Variants in TDRD10 observed in about 807,000 individuals in gnomAD.
TDRD10 encodes the protein tudor domain containing 10.
Under a neutral mutation model 48.0 loss-of-function variants are expected in TDRD10, and 40 were observed. That is an observed-to-expected ratio of 0.83 (90% CI 0.65 to 1.09). TDRD10 has a LOEUF of 1.09. Among genes scored for constraint, TDRD10 ranks in the 50% least tolerant of loss-of-function variants. The pLI, the probability that TDRD10 is intolerant of heterozygous loss-of-function variation, is 0.00. For missense variants in TDRD10, 378 were observed against 434.7 expected, an observed-to-expected ratio of 0.87 and a Z score of 1.16; for synonymous variants, 162 against 170.4, an observed-to-expected ratio of 0.95 and a Z score of 0.38.
chr1:154,525,487 C>T (rs1383205036), intron 6 of TDRD10, among the ~76,000 whole-genome samples: 1 of 152,040 alleles, frequency 6.6e-6, no homozygotes, highest in African/African-American at 2.4e-5. Context: ...ATAGTGAAGG[C>T]AATATTTAGA....
chr1:154,543,706 C>G (rs995589691), intron 8 of TDRD10, among the ~76,000 whole-genome samples: 13 of 152,122 alleles, frequency 8.5e-5, no homozygotes, highest in Non-Finnish European at 2.9e-5. Context: ...GTTTTTGTTT[C>G]CCTCTGCTGC....
intron 6 of TDRD10, among the ~76,000 whole-genome samples, chr1:154,540,530 A>AAAAC (rs1695167940): frequency 7.2e-6 from 1 of 139,644 alleles, no homozygotes; most frequent in Non-Finnish European, 1.6e-5. Context: ...AAAAAAAAAA[A>AAAAC]TGCCGTTCAC....
chr1:154,523,670 T>C (rs911500021), intron 6 of TDRD10, among the ~76,000 whole-genome samples: 1 of 152,236 alleles, frequency 6.6e-6, no homozygotes, highest in East Asian at 1.9e-4. Flanking sequence ...CTATAGTCAA[T>C]AACTACCTTA....
chr1:154,537,778 G>A (rs1168981025), intron 6 of TDRD10, among the ~76,000 whole-genome samples: 16 of 152,124 alleles, frequency 1.1e-4, no homozygotes, highest in Non-Finnish European at 1.5e-5. Flanking sequence ...CCCACTGCAC[G>A]GACTCCCCAG....
intron 6 of TDRD10, among the ~76,000 whole-genome samples, chr1:154,540,507 CA>C (rs57375022): frequency 9.2e-6 from 1 of 109,146 alleles, no homozygotes; most frequent in Admixed American, 9.2e-5. Context: ...CCCATCTCTA[CA>C]AAAAAAAAAA....
intron 11 of TDRD10, among the ~76,000 whole-genome samples, chr1:154,545,801 C>T (rs1271521646): frequency 2.3e-4 from 33 of 144,730 alleles, no homozygotes; most frequent in Admixed American, 2.0e-3. Context: ...GATGGAGTCT[C>T]GTTCTGTCAC....
Position 154,536,533 on chromosome 1 carries a change from G to A in TDRD10, c.370-5491G>A, listed in dbSNP as rs535773104. On this transcript the variant is annotated intron_variant, in intron 6 of 12. Transcript: ENST00000368482. Reference sequence around the variant, plus strand: ...GAAAATCAACTTTGTTGAAGTATTCGATATACTTACTGAAGTATAATTTAC... The same window carrying A: ...GAAAATCAACTTTGTTGAAGTATTCAATATACTTACTGAAGTATAATTTAC... Among the ~76,000 whole-genome samples the A allele has an allele frequency of 4.6e-5, 7 of 152,286 alleles. No individual in the cohort carries two copies. The South Asian group carries it at 1.2e-3, about 27-fold the overall frequency.
intron 6 of TDRD10, among the ~76,000 whole-genome samples, chr1:154,535,369 GA>G (rs112520948): frequency 0.21 from 27,235 of 132,710 alleles, 2,739 homozygotes; most frequent in South Asian, 0.25. Context: ...TCCATCTCAA[GA>G]AAAAAAAAAA....
chr1:154,536,061 A>G (rs1014259703), intron 6 of TDRD10, among the ~76,000 whole-genome samples: 7 of 152,236 alleles, frequency 4.6e-5, no homozygotes, highest in Non-Finnish European at 8.8e-5. Context: ...TGGACTGGGG[A>G]AAAAGCAGCA....
At chr1:154,545,896 A>G (rs1050941670) in intron 11 of TDRD10, among the ~76,000 whole-genome samples, 9 of 137,638 alleles carry the variant, frequency 6.5e-5, no homozygotes, top group Non-Finnish European at 4.6e-5. Flanking sequence ...TCAGCCTCCC[A>G]ATTACAGGCA....
In TDRD10 at chr1:154,507,330, G is replaced by T; in HGVS notation, c.82+10G>T. On this transcript the variant is annotated intron_variant, in intron 3 of 12. Coordinates refer to ENST00000368482, the MANE Select transcript of TDRD10 (RefSeq NM_182499.4). ...GAGCAGAAATCTCCAGGTAAGTTAGGCTGGGGGATTCGCTGGTGCTGGGAC... is the reference window on the plus strand; with the variant it reads ...GAGCAGAAATCTCCAGGTAAGTTAGTCTGGGGGATTCGCTGGTGCTGGGAC... 5.6e-6 allele frequency: 9 copies of T among 1,613,818 alleles called. No individual in the cohort carries two copies. Among genetic ancestry groups the T allele is most frequent in the Non-Finnish European group, 7.6e-6 (9 of 1,179,936 alleles).
chr1:154,526,674 C>G (rs1038291583), intron 6 of TDRD10, among the ~76,000 whole-genome samples: 7 of 152,030 alleles, frequency 4.6e-5, no homozygotes, highest in Admixed American at 1.3e-4. Context: ...AGGCTGATCT[C>G]AAACTCCTGA....
chr1:154,532,933 G>A (rs189481551), intron 6 of TDRD10, among the ~76,000 whole-genome samples: 134 of 152,138 alleles, frequency 8.8e-4, no homozygotes, highest in Non-Finnish European at 1.4e-3. Context: ...CTTCATTACC[G>A]CTGAGGAAAG....
In TDRD10 at chr1:154,515,056, C is replaced by T. The variant is rs576824872; in HGVS notation, c.142-5248C>T. 7.2e-5 allele frequency among the ~76,000 whole-genome samples: 11 copies of T among 151,808 alleles called. No individual in the cohort carries two copies. In the South Asian group the frequency reaches 1.7e-3, roughly 23 times the overall value. On this transcript the variant is annotated intron_variant, in intron 4 of 12. Coordinates refer to ENST00000368482, the MANE Select transcript of TDRD10 (RefSeq NM_182499.4). ...CTAATTTTTGTATTTTTAGTAGAGA[C>T]GGGGCTTCACCATATTGGCCATGCT... is the stretch of plus-strand genomic sequence containing the variant.
rs376684475 is a variant in TDRD10, at chr1:154,514,851, C to CTTATTTAT, written c.142-5434_142-5427dup. On this transcript the variant is annotated intron_variant, in intron 4 of 12. Coordinates refer to ENST00000368482, the MANE Select transcript of TDRD10 (RefSeq NM_182499.4). ...CACAGGAACACATCACCATACCCAGCTTATTTATTTATTTATTTATTTATT... is the reference window on the plus strand; with the variant it reads ...CACAGGAACACATCACCATACCCAGCTTATTTATTTATTTATTTATTTATTTATTTATT... Among the ~76,000 whole-genome samples, 101 of 142,880 alleles carry CTTATTTAT rather than the reference C, an allele frequency of 7.1e-4. 1 individual carries two copies. The highest frequency in any genetic ancestry group is 1.8e-3 in the African/African-American group (68 of 38,606). 93.7% of individuals were successfully genotyped at this position (142,880 alleles called of 152,430 possible).
chr1:154,522,166 A>G (rs1694094557), intron 6 of TDRD10, among the ~76,000 whole-genome samples: 2 of 152,316 alleles, frequency 1.3e-5, no homozygotes, highest in Middle Eastern at 3.4e-3. Flanking sequence ...GTCAGGAGGT[A>G]GGGAGTCCAG....
rs1171223392 is a variant in TDRD10 at position 154,547,714 on chromosome 1, G to A, written c.*4G>A. 3 of 1,613,150 alleles carry A rather than the reference G, an allele frequency of 1.9e-6. No homozygotes were observed. The African/African-American group carries it at 4.0e-5, about 22-fold the overall frequency. ...AAAGTTTGAAGAGTCTAAATAACGG[G>A]GCTTCCCTCAGCATGTTCCCTCTCC... On this transcript the variant is annotated 3_prime_UTR_variant, in exon 13 of 13. Coordinates refer to ENST00000368482, the MANE Select transcript of TDRD10 (RefSeq NM_182499.4).
chr1:154,538,770 A>C (rs1695060253), intron 6 of TDRD10, among the ~76,000 whole-genome samples: 1 of 150,978 alleles, frequency 6.6e-6, no homozygotes, highest in South Asian at 2.1e-4. Flanking sequence ...GGAGAATGGT[A>C]TGAACCTGGG....
chr1:154,527,651 A>G (rs1355060994), intron 6 of TDRD10, among the ~76,000 whole-genome samples: 1 of 152,232 alleles, frequency 6.6e-6, no homozygotes, highest in African/African-American at 2.4e-5. Context: ...AGGTGAAAAA[A>G]AAAGATGGAT....
Sources: gnomAD v4.1 joint callset for allele counts (sites outside exome capture counted in the v4.1 genomes callset) on GRCh38, gnomAD v4.1.1 for gene constraint, MANE v1.5 for transcripts, NCBI Gene and HGNC (gene_info 2026-07-23, HGNC 2026-07-21) for gene names.